Variants in IFT74 observed in about 807,000 individuals in gnomAD.
IFT74 encodes intraflagellar transport protein 74 homolog.
Under a neutral mutation model 96.7 loss-of-function variants are expected in IFT74, and 92 were observed. The ratio of observed to expected loss-of-function variants is 0.95; its 90% confidence interval spans 0.80 to 1.13. The LOEUF (loss-of-function observed/expected upper bound fraction) is 1.13. Among genes scored for constraint, IFT74 ranks in the 50% most tolerant of loss-of-function variants. The probability of loss-of-function intolerance (pLI) is 0.00; values close to 1 mark genes in which losing one functional copy is unlikely to be tolerated. For missense variants in IFT74, 811 were observed against 698.2 expected (o/e 1.16, Z -1.82); for synonymous variants, 223 against 213.2 (o/e 1.05, Z -0.40).
intron 8 of IFT74, chr9:26,994,945 G>C (rs1045864110): frequency 1.3e-5 from 2 of 152,430 alleles, no homozygotes; most frequent in African/African-American, 4.8e-5. Context: ...TAGGGATTAT[G>C]CCTGAACATT....
chr9:27,055,319 A>G (rs1820111378), intron 16 of IFT74, among the ~76,000 whole-genome samples: 1 of 152,128 alleles, frequency 6.6e-6, no homozygotes, highest in Admixed American at 6.6e-5. Context: ...CATAATATAG[A>G]TTATATTACT....
At chr9:26,997,444 C>G (rs544068496) in intron 8 of IFT74, among the ~76,000 whole-genome samples, 1 of 151,522 alleles carries the variant, frequency 6.6e-6, no homozygotes, top group African/African-American at 2.4e-5. Flanking sequence ...AGCAATTCTC[C>G]CACCTCAGCC....
rs534464036 is a variant in IFT74, at chr9:26,981,863, G to T, written c.305+1244G>T. Among the ~76,000 whole-genome samples, 383 of 151,946 alleles carry T rather than the reference G, an allele frequency of 2.5e-3. 2 individuals carry two copies. The highest frequency in any genetic ancestry group is 9.0e-3 in the African/African-American group (371 of 41,412). ...GCTCACTGCAACCCCTGCCTTCCGGGTTTAAGCTATTCTCCTGCCTCAGCC... is the reference window on the plus strand; with the variant it reads ...GCTCACTGCAACCCCTGCCTTCCGGTTTTAAGCTATTCTCCTGCCTCAGCC... On this transcript the variant is annotated intron_variant, in intron 4 of 19. Coordinates refer to ENST00000380062, the MANE Select transcript of IFT74 (RefSeq NM_025103.4).
chr9:27,063,037 C>A lies in IFT74; in HGVS notation c.*301C>A, dbSNP rs1048707919. 1.2e-5 allele frequency: 3 copies of A among 255,600 alleles called. No individual in the cohort carries two copies. The highest frequency in any genetic ancestry group is 6.2e-5 in the South Asian group (1 of 16,004). The allele number at this position is 255,600 out of a possible 1,614,324, so 15.8% of individuals were successfully genotyped here. On this transcript the variant is annotated 3_prime_UTR_variant, in exon 20 of 20. Coordinates refer to ENST00000380062, the MANE Select transcript of IFT74 (RefSeq NM_025103.4). ...AGCTGGTATAATCCATCTATGGCAA[C>A]AAATGAGATAAGCTTTTCTTGTATC...
chr9:27,058,734 C>A (rs1278812120), intron 18 of IFT74, among the ~76,000 whole-genome samples: 2 of 152,126 alleles, frequency 1.3e-5, no homozygotes, highest in African/African-American at 4.8e-5. Context: ...TATGGATGTA[C>A]CATTTGAAAA....
Position 27,056,429 on chromosome 9 carries a change from A to C in IFT74, c.1593A>C (p.Thr531=). Residue 531 remains threonine, a synonymous_variant, in exon 18 of 20, where the codon ACA becomes ACC. Coordinates refer to ENST00000380062, the MANE Select transcript of IFT74 (RefSeq NM_025103.4). ...KQNIEYEALK[T]QLQENETHSQ... is the part of the protein sequence containing the mutation. Reference sequence around the variant, plus strand: ...ACATAGAGTATGAGGCACTAAAAACACAATTGCAAGAAAATGAGACACATT... The same window carrying C: ...ACATAGAGTATGAGGCACTAAAAACCCAATTGCAAGAAAATGAGACACATT... The C allele has an allele frequency of 1.3e-6, 2 of 1,599,606 alleles. No homozygotes were observed. The highest frequency in any genetic ancestry group is 8.5e-7 in the Non-Finnish European group (1 of 1,174,526).
chr9:27,026,980 C>T (rs1278308807), intron 12 of IFT74, among the ~76,000 whole-genome samples: 1 of 151,664 alleles, frequency 6.6e-6, no homozygotes, highest in African/African-American at 2.4e-5. Flanking sequence ...AACATCAGAG[C>T]AGAACTAAAT....
Position 26,982,182 on chromosome 9 carries a change from G to C in IFT74, c.305+1563G>C, listed in dbSNP as rs76281700. On this transcript the variant is annotated intron_variant, in intron 4 of 19. Transcript: ENST00000380062. ...AGGGAAAATATGTATACTTATTTAT[G>C]TTATATTAATCAGTAAGTTTTACAT... 1,483 of 228,608 alleles carry C rather than the reference G, an allele frequency of 6.5e-3. 17 individuals are homozygous for C. The highest frequency in any genetic ancestry group is 0.032 in the African/African-American group (1,376 of 42,404). The allele number at this position is 228,608 out of a possible 1,614,324, so 14.2% of individuals were successfully genotyped here.
In IFT74 at chr9:27,062,958, C is replaced by T; in HGVS notation, c.*222C>T. On this transcript the variant is annotated 3_prime_UTR_variant, in exon 20 of 20. Transcript: ENST00000380062. ...ACCATCTTCTTTTCTTTTTATGCTA[C>T]TTGTATTTGAACCAAGAGATAAAGA... is the stretch of plus-strand genomic sequence containing the variant. 1 of 443,714 alleles carries T rather than the reference C, an allele frequency of 2.3e-6. No individual in the cohort carries two copies. Among genetic ancestry groups the T allele is most frequent in the Non-Finnish European group, 4.0e-6 (1 of 253,048 alleles). 27.5% of individuals were successfully genotyped at this position (443,714 alleles called of 1,614,324 possible). A position where few individuals can be genotyped will look rare whatever the true frequency, so the allele number is the denominator to read the frequency against.
intron 1 of IFT74, among the ~76,000 whole-genome samples, chr9:26,960,531 C>T (rs1282787382): frequency 1.3e-5 from 2 of 152,144 alleles, no homozygotes; most frequent in Non-Finnish European, 1.5e-5. Context: ...TTGGTCATAA[C>T]CTACAAAATT....
chr9:27,018,137 T>C (rs995528670), intron 11 of IFT74, among the ~76,000 whole-genome samples: 4 of 152,236 alleles, frequency 2.6e-5, no homozygotes, highest in Non-Finnish European at 4.4e-5. Flanking sequence ...TGCTTAAATT[T>C]GAATTTCAGA....
chr9:27,011,843 C>G (rs1478700551), intron 9 of IFT74, 63 bp from the exon 10 acceptor site: 27 of 1,053,278 alleles, frequency 2.6e-5, no homozygotes, highest in Non-Finnish European at 3.5e-5. Context: ...CTCCCTCCCC[C>G]CACTACAACA....
chr9:27,028,671 G>T (rs760584268), intron 12 of IFT74: 2 of 161,278 alleles, frequency 1.2e-5, no homozygotes, highest in African/African-American at 4.8e-5. Context: ...CAGGAGAATC[G>T]CTTTTTCCCG....
At chr9:26,952,355 C>T (rs1267346931), upstream of IFT74, among the ~76,000 whole-genome samples, 5 of 151,252 alleles carry the variant, frequency 3.3e-5, no homozygotes, top group African/African-American at 1.2e-4. Flanking sequence ...TGGCTCACTG[C>T]AGCCTCTGCC....
intron 18 of IFT74, among the ~76,000 whole-genome samples, chr9:27,057,974 G>A (rs1439274669): frequency 2.0e-5 from 3 of 151,964 alleles, no homozygotes; most frequent in African/African-American, 7.3e-5. Flanking sequence ...TAACATTTTG[G>A]TGCCATATCC....
rs972311883 is a variant in IFT74, at chr9:27,063,004, A to G, written c.*268A>G. ...AAAGAAACTAAAAGTGACCGTTGAA[A>G]TTTATTTAGCTGGTATAATCCATCT... On this transcript the variant is annotated 3_prime_UTR_variant, in exon 20 of 20. Coordinates refer to ENST00000380062, the MANE Select transcript of IFT74 (RefSeq NM_025103.4). 1 of 338,932 alleles carries G rather than the reference A, an allele frequency of 3.0e-6. No homozygotes were observed. The highest frequency in any genetic ancestry group is 5.3e-6 in the Non-Finnish European group (1 of 188,842). 21.0% of individuals were successfully genotyped at this position (338,932 alleles called of 1,614,324 possible).
At chr9:26,980,462 C>G (rs1827321553) in intron 3 of IFT74, 109 bp from the exon 4 acceptor site, 3 of 745,288 alleles carry the variant, frequency 4.0e-6, no homozygotes, top group Admixed American at 1.9e-5. Flanking sequence ...TTGGGGCATT[C>G]ATGAAGACTG....
chr9:26,960,667 A>G (rs1207094989), intron 1 of IFT74, among the ~76,000 whole-genome samples: 1 of 152,206 alleles, frequency 6.6e-6, no homozygotes, highest in African/African-American at 2.4e-5. Context: ...CTGGGAGAGA[A>G]TGAGTGAATT....
At chr9:26,981,335 C>G (rs1305726087) in intron 4 of IFT74, among the ~76,000 whole-genome samples, 1 of 152,058 alleles carries the variant, frequency 6.6e-6, no homozygotes, top group Non-Finnish European at 1.5e-5. Flanking sequence ...CAACCTTGAA[C>G]TCCTGGGTTG....
Sources: allele counts gnomAD v4.1 joint callset (sites outside exome capture counted in the v4.1 genomes callset), GRCh38; gene constraint gnomAD v4.1.1; transcripts MANE v1.5; gene names NCBI Gene and HGNC (gene_info 2026-07-23, HGNC 2026-07-21).